ERC2: variants seen among roughly 807,000 people sequenced by gnomAD.
ERC2 encodes ELKS/RAB6-interacting/CAST family member 2, also known as ERC protein 2.
A neutral mutation model predicts 114.8 loss-of-function variants in ERC2; 42 were observed. The ratio of observed to expected loss-of-function variants is 0.37; its 90% CI spans 0.29 to 0.47. ERC2 has a LOEUF of 0.47. ERC2 is among the 20% of genes least tolerant of loss of function. ERC2 has a pLI of 0.99. For synonymous variants in ERC2, 454 were observed against 425.5 expected (o/e 1.07, Z -0.82); for missense variants, 939 against 1,150.7 (o/e 0.82, Z 2.66).
At chr3:55,951,758 A>T (rs1006098114) in intron 12 of ERC2, among the ~76,000 whole-genome samples, 2 of 152,138 alleles carry the variant, frequency 1.3e-5, no homozygotes, top group Non-Finnish European at 2.9e-5. Flanking sequence ...GCCCTGACTC[A>T]GTAAAAAACA....
chr3:55,854,969 G>C (rs781125724), intron 14 of ERC2, among the ~76,000 whole-genome samples: 1 of 152,068 alleles, frequency 6.6e-6, no homozygotes, highest in Non-Finnish European at 1.5e-5. Flanking sequence ...GGGTCTTAAA[G>C]TTTTCCTATG....
chr3:56,239,981 G>A (rs2051218865), intron 3 of ERC2, among the ~76,000 whole-genome samples: 1 of 152,176 alleles, frequency 6.6e-6, no homozygotes, highest in Non-Finnish European at 1.5e-5. Flanking sequence ...ATACAGACAG[G>A]AAAGAGGGGG....
At chr3:55,606,350 G>A (rs1336746379) in intron 17 of ERC2, among the ~76,000 whole-genome samples, 2 of 152,296 alleles carry the variant, frequency 1.3e-5, no homozygotes, top group East Asian at 3.9e-4. Flanking sequence ...GAAGTCAACT[G>A]GGCTGGGCTA....
chr3:55,641,697 G>T (rs947140131), intron 17 of ERC2, among the ~76,000 whole-genome samples: 5 of 151,932 alleles, frequency 3.3e-5, no homozygotes, highest in African/African-American at 4.8e-5. Context: ...TTGCAGCACA[G>T]GAACCTTCCC....
At chr3:55,726,698 C>T (rs987020555) in intron 15 of ERC2, among the ~76,000 whole-genome samples, 14 of 152,190 alleles carry the variant, frequency 9.2e-5, no homozygotes, top group Admixed American at 8.5e-4. Context: ...ACATTACATG[C>T]AACTTGTTAT....
At chr3:55,964,457 CT>C (rs11384596) in intron 12 of ERC2, among the ~76,000 whole-genome samples, 5 of 149,072 alleles carry the variant, frequency 3.4e-5, no homozygotes, top group South Asian at 2.1e-4. Flanking sequence ...AAGCTACAAT[CT>C]TTTTTTTTTT....
Position 55,734,904 on chromosome 3 carries a change from A to G in ERC2, c.2579T>C (p.Leu860Pro). The G allele has an allele frequency of 6.2e-7, 1 of 1,600,922 alleles. No homozygotes were observed. The highest frequency in any genetic ancestry group is 8.5e-7 in the Non-Finnish European group (1 of 1,173,656). ...TGCATCTTTTTCACTGATGGCTGCA[A>G]GTAGTGCTTCCTGTCTGGTAAAATA... ...EILEMKQEAL[L>P]AAISEKDANI... The change falls in exon 15 of 18, where the codon CTT becomes CCT. Residue 860 changes from leucine (L) to proline (P), a missense_variant. By Grantham distance (98) the Leu-to-Pro change is moderately conservative. Around this residue, in one of 5 missense-constraint regions of ERC2, gnomAD observed 328 missense variants for 353.9 expected, o/e 0.93. Transcript: ENST00000288221.
At chr3:55,836,370 T>G (rs940116441) in intron 14 of ERC2, among the ~76,000 whole-genome samples, 16 of 152,194 alleles carry the variant, frequency 1.1e-4, no homozygotes, top group Admixed American at 7.9e-4. Context: ...AAGGCTACAG[T>G]AACCAAAACA....
chr3:56,311,119 A>AT (rs1401630173), intron 2 of ERC2, among the ~76,000 whole-genome samples: 2 of 149,888 alleles, frequency 1.3e-5, no homozygotes, highest in African/African-American at 2.5e-5. Context: ...ACTATGTACT[A>AT]TTTTTTTTAC....
chr3:56,007,073 G>A lies in ERC2; in HGVS notation c.2061+108C>T. On this transcript the variant is annotated intron_variant, in intron 10 of 17. Coordinates refer to ENST00000288221, the MANE Select transcript of ERC2 (RefSeq NM_015576.3). Reference sequence around the variant, plus strand: ...TATTTAATTAATTCTTTTATCAGCAGACAGCAACAGATAAGGGGTTTGTTT... The same window carrying A: ...TATTTAATTAATTCTTTTATCAGCAAACAGCAACAGATAAGGGGTTTGTTT... The A allele has an allele frequency of 4.2e-6, 4 of 942,054 alleles. No individual in the cohort carries two copies. The East Asian group carries it at 1.1e-4, about 25-fold the overall frequency. 58.4% of individuals were successfully genotyped at this position (942,054 alleles called of 1,614,324 possible).
At chr3:55,705,137 G>A (rs191741703) in intron 15 of ERC2, among the ~76,000 whole-genome samples, 36 of 152,236 alleles carry the variant, frequency 2.4e-4, no homozygotes, top group South Asian at 4.2e-4. Context: ...CTATAAAACC[G>A]TATAAGAAGA....
At chr3:55,882,217 C>T (rs1559810087) in intron 14 of ERC2, among the ~76,000 whole-genome samples, 1 of 152,154 alleles carries the variant, frequency 6.6e-6, no homozygotes, top group Non-Finnish European at 1.5e-5. Context: ...CTCATCTCCA[C>T]CTTGCTTCCT....
At chr3:56,001,740 G>A (rs77291889) in intron 10 of ERC2, among the ~76,000 whole-genome samples, 1 of 152,048 alleles carries the variant, frequency 6.6e-6, no homozygotes, top group African/African-American at 2.4e-5. Flanking sequence ...GTATATTTTT[G>A]CTGCTGCAGG....
chr3:56,321,639 T>C (rs566695690), intron 2 of ERC2, among the ~76,000 whole-genome samples: 1 of 152,346 alleles, frequency 6.6e-6, no homozygotes, highest in East Asian at 1.9e-4. Flanking sequence ...GGACTGTCTC[T>C]GATTATATAA....
chr3:56,295,547 T>C (rs1021291610), intron 3 of ERC2, among the ~76,000 whole-genome samples: 1 of 152,246 alleles, frequency 6.6e-6, no homozygotes, highest in Non-Finnish European at 1.5e-5. Flanking sequence ...ACACTCAAAA[T>C]TGGTCTGTGC....
chr3:55,743,856 C>G (rs1035534098), intron 14 of ERC2, among the ~76,000 whole-genome samples: 1 of 152,034 alleles, frequency 6.6e-6, no homozygotes, highest in African/African-American at 2.4e-5. Flanking sequence ...CATAAATAAC[C>G]TAAGATGGAC....
chr3:56,030,908 T>C (rs1470254117), intron 7 of ERC2, among the ~76,000 whole-genome samples: 4 of 152,030 alleles, frequency 2.6e-5, no homozygotes, highest in Non-Finnish European at 5.9e-5. Flanking sequence ...GGGAGAGAGA[T>C]ACATGGGGAA....
chr3:55,836,916 C>A (rs2060914457), intron 14 of ERC2, among the ~76,000 whole-genome samples: 1 of 152,094 alleles, frequency 6.6e-6, no homozygotes, highest in Non-Finnish European at 1.5e-5. Context: ...AAGAAAAAAA[C>A]TAACAACCCC....
chr3:56,361,689 C>T (rs2058963597), intron 2 of ERC2, among the ~76,000 whole-genome samples: 2 of 152,238 alleles, frequency 1.3e-5, no homozygotes, highest in South Asian at 2.1e-4. Flanking sequence ...GAAGGGCCAT[C>T]AGGCACCATC....
Sources: allele counts gnomAD v4.1 joint callset (sites outside exome capture counted in the v4.1 genomes callset), GRCh38; gene constraint gnomAD v4.1.1; regional missense constraint gnomAD v4.1.1; transcripts MANE v1.5; gene names NCBI Gene and HGNC (gene_info 2026-07-23, HGNC 2026-07-21).